The following BRINP1 variants were observed in gnomAD, a reference collection of about 807,000 sequenced individuals.
BRINP1 encodes BMP/retinoic acid inducible neural specific 1.
BRINP1 carries 17 observed loss-of-function variants against 72.9 expected under a neutral mutation model. That is an observed-to-expected ratio of 0.23 (90% CI 0.16 to 0.35). The LOEUF (loss-of-function observed/expected upper bound fraction) is 0.35. Ranked by LOEUF, BRINP1 falls within the 10% of genes least tolerant of loss-of-function variation. BRINP1 has a pLI of 1.00. For missense variants in BRINP1, 850 were observed against 1,001.6 expected, an observed-to-expected ratio of 0.85 and a Z score of 2.04; for synonymous variants, 418 against 378.5, an observed-to-expected ratio of 1.10 and a Z score of -1.21.
chr9:119,168,341 G>T, intron 7 of BRINP1, 117 bp from the exon 8 acceptor site: 1 of 772,382 alleles, frequency 1.3e-6, no homozygotes, highest in South Asian at 2.3e-5. Context: ...ACTGGATGGA[G>T]CAGTGACAAT....
chr9:119,345,872 TTTTTG>T, intron 1 of BRINP1, among the ~76,000 whole-genome samples: 1 of 152,092 alleles, frequency 6.6e-6, no homozygotes, highest in Middle Eastern at 3.2e-3. Flanking sequence ...GAGGTGGTTT[TTTTTG>T]TTTTGTTTTG....
At chr9:119,278,815 G>A (rs1830680777) in intron 2 of BRINP1, among the ~76,000 whole-genome samples, 1 of 152,144 alleles carries the variant, frequency 6.6e-6, no homozygotes, top group African/African-American at 2.4e-5. Context: ...TTGAATCCAG[G>A]AGGCAGAAGT....
chr9:119,228,390 G>GA (rs1830115317), intron 5 of BRINP1, among the ~76,000 whole-genome samples: 1 of 151,588 alleles, frequency 6.6e-6, no homozygotes, highest in Non-Finnish European at 1.5e-5. Context: ...AATTGGCAAG[G>GA]AAAAATCTTT....
At chr9:119,233,363 T>C (rs1193389742) in intron 5 of BRINP1, among the ~76,000 whole-genome samples, 1 of 152,008 alleles carries the variant, frequency 6.6e-6, no homozygotes, top group African/African-American at 2.4e-5. Flanking sequence ...AAAAATATAA[T>C]AAATACAATT....
chr9:119,209,082 A>G, intron 6 of BRINP1, 141 bp from the exon 7 acceptor site: 1 of 659,046 alleles, frequency 1.5e-6, no homozygotes, highest in Non-Finnish European at 2.6e-6. Flanking sequence ...AGAACATTGC[A>G]TTAGTCTGTC....
At chr9:119,359,204 T>C (rs1359264929) in intron 1 of BRINP1, among the ~76,000 whole-genome samples, 2 of 152,180 alleles carry the variant, frequency 1.3e-5, no homozygotes, top group Non-Finnish European at 2.9e-5. Context: ...ATTATTGTTG[T>C]TATTTTTGAG....
intron 7 of BRINP1, among the ~76,000 whole-genome samples, chr9:119,203,201 T>C (rs1412472411): frequency 6.6e-6 from 1 of 152,156 alleles, no homozygotes; most frequent in Admixed American, 6.5e-5. Context: ...GCATTCTTGC[T>C]GCTCTGCACA....
intron 1 of BRINP1, among the ~76,000 whole-genome samples, chr9:119,344,635 C>G (rs1021889969): frequency 3.9e-5 from 6 of 152,186 alleles, no homozygotes; most frequent in Non-Finnish European, 7.3e-5. Flanking sequence ...TTCCAAGATG[C>G]TCTAGTTAAA....
intron 2 of BRINP1, among the ~76,000 whole-genome samples, chr9:119,311,221 T>C (rs1379628988): frequency 6.6e-6 from 1 of 152,174 alleles, no homozygotes; most frequent in African/African-American, 2.4e-5. Context: ...TAATAATTAT[T>C]TGAGGATTAA....
chr9:119,265,299 G>T (rs563441814), intron 2 of BRINP1, among the ~76,000 whole-genome samples: 19 of 152,166 alleles, frequency 1.2e-4, no homozygotes, highest in African/African-American at 4.6e-4. Flanking sequence ...CTCAGGGTTT[G>T]CATATAATCA....
chr9:119,345,432 T>C (rs1831439903), intron 1 of BRINP1, among the ~76,000 whole-genome samples: 1 of 152,210 alleles, frequency 6.6e-6, no homozygotes, highest in South Asian at 2.1e-4. Flanking sequence ...ATGATTGATC[T>C]CACTAATTCC....
intron 7 of BRINP1, among the ~76,000 whole-genome samples, chr9:119,174,784 T>G (rs867539381): frequency 1.1e-4 from 16 of 151,590 alleles, no homozygotes; most frequent in Admixed American, 2.6e-4. Flanking sequence ...ATACTATGCA[T>G]CCATAAAAAA....
chr9:119,256,168 AAAATGT>A (rs1273597304), intron 2 of BRINP1, among the ~76,000 whole-genome samples: 1 of 152,142 alleles, frequency 6.6e-6, no homozygotes, highest in Non-Finnish European at 1.5e-5. Flanking sequence ...TATACTTTGT[AAAATGT>A]AAATGGTAGC....
intron 2 of BRINP1, among the ~76,000 whole-genome samples, chr9:119,310,728 T>C (rs1439228201): frequency 6.6e-6 from 1 of 152,048 alleles, no homozygotes; most frequent in Non-Finnish European, 1.5e-5. Context: ...TTTTTTATGA[T>C]GAAAATGTCA....
intron 7 of BRINP1, among the ~76,000 whole-genome samples, chr9:119,183,773 T>A (rs567183751): frequency 5.3e-5 from 8 of 152,222 alleles, no homozygotes; most frequent in Non-Finnish European, 8.8e-5. Flanking sequence ...ACAATTGATT[T>A]GTGTCCCAGG....
intron 5 of BRINP1, among the ~76,000 whole-genome samples, chr9:119,222,836 T>G (rs1830053442): frequency 6.6e-6 from 1 of 152,118 alleles, no homozygotes; most frequent in Non-Finnish European, 1.5e-5. Context: ...GCATACTTTT[T>G]TTTTCAATTT....
At chr9:119,276,548 C>T (rs773584877) in intron 2 of BRINP1, among the ~76,000 whole-genome samples, 1 of 152,058 alleles carries the variant, frequency 6.6e-6, no homozygotes, top group South Asian at 2.1e-4. Context: ...CTATACTGTC[C>T]ATAAACCACA....
At chr9:119,247,871 T>C (rs1830340272) in intron 3 of BRINP1, among the ~76,000 whole-genome samples, 1 of 152,232 alleles carries the variant, frequency 6.6e-6, no homozygotes. Context: ...GTCTGCTATA[T>C]AGCAAATAAC....
intron 2 of BRINP1, among the ~76,000 whole-genome samples, chr9:119,274,945 G>A (rs1385711895): frequency 3.3e-5 from 5 of 152,030 alleles, no homozygotes; most frequent in Non-Finnish European, 7.4e-5. Context: ...ATTATTTAAT[G>A]TATGTTAACA....
Sources: gnomAD v4.1 joint callset for allele counts (sites outside exome capture counted in the v4.1 genomes callset) on GRCh38, gnomAD v4.1.1 for gene constraint, MANE v1.5 for transcripts, NCBI Gene and HGNC (gene_info 2026-07-23, HGNC 2026-07-21) for gene names.